Variants in TCF12 observed in about 807,000 individuals in gnomAD.
TCF12 encodes the protein transcription factor 12.
Under a neutral mutation model 86.0 loss-of-function variants are expected in TCF12, and 45 were observed. The ratio of observed to expected loss-of-function variants is 0.52; its 90% confidence interval spans 0.41 to 0.67. TCF12 has a LOEUF of 0.67. TCF12 is among the 30% of genes least tolerant of loss of function. TCF12 has a pLI of 0.00. For missense variants in TCF12, 881 were observed against 859.9 expected (o/e 1.02, Z -0.31); for synonymous variants, 330 against 299.6 (o/e 1.10, Z -1.05).
intron 6 of TCF12, among the ~76,000 whole-genome samples, chr15:57,186,790 G>A (rs1025227772): frequency 6.6e-6 from 1 of 152,132 alleles, no homozygotes; most frequent in African/African-American, 2.4e-5. Context: ...AGGAATGCAA[G>A]GATAGTTTAG....
chr15:57,087,187 A>G (rs117146669), intron 4 of TCF12, among the ~76,000 whole-genome samples: 6,112 of 151,726 alleles, frequency 0.04, 369 homozygotes, highest in Admixed American at 0.17. Flanking sequence ...CCAAAATGGG[A>G]GGTTCACTTG....
chr15:56,941,685 CTTT>C (rs111353408), intron 3 of TCF12, among the ~76,000 whole-genome samples: 2 of 143,358 alleles, frequency 1.4e-5, no homozygotes, highest in Admixed American at 7.0e-5. Flanking sequence ...TCTTCTTCTT[CTTT>C]TTTTTTTTTT....
chr15:57,018,698 C>CTTT (rs2065295003), intron 3 of TCF12, among the ~76,000 whole-genome samples: 1 of 152,058 alleles, frequency 6.6e-6, no homozygotes, highest in Admixed American at 6.6e-5. Context: ...GCCTTGGCCT[C>CTTT]CCAAAGGGCT....
At chr15:57,011,285 T>G (rs1158520163) in intron 3 of TCF12, among the ~76,000 whole-genome samples, 1 of 152,078 alleles carries the variant, frequency 6.6e-6, no homozygotes, top group Non-Finnish European at 1.5e-5. Context: ...TGGTGATAAG[T>G]AAGGTCTCAT....
chr15:57,254,857 C>CAAAAAAA (rs777934020), intron 16 of TCF12, among the ~76,000 whole-genome samples: 9 of 102,580 alleles, frequency 8.8e-5, no homozygotes, highest in Admixed American at 1.1e-4. Flanking sequence ...GACCCTGTCT[C>CAAAAAAA]AAAAAAAAAA....
chr15:57,064,475 T>C (rs980287548), intron 4 of TCF12, among the ~76,000 whole-genome samples: 1 of 152,106 alleles, frequency 6.6e-6, no homozygotes, highest in Admixed American at 6.6e-5. Flanking sequence ...TCCCAGACTT[T>C]CTCTAGTAAA....
intron 5 of TCF12, among the ~76,000 whole-genome samples, chr15:57,134,852 T>C (rs1311550597): frequency 6.6e-6 from 1 of 151,716 alleles, no homozygotes. Flanking sequence ...GGGAAAAAAA[T>C]CTAATTATAA....
intron 3 of TCF12, among the ~76,000 whole-genome samples, chr15:56,962,304 A>AT (rs1454207839): frequency 6.6e-6 from 1 of 152,176 alleles, no homozygotes; most frequent in African/African-American, 2.4e-5. Context: ...GATGGGTTTA[A>AT]TTGTTGTCAG....
At chr15:57,179,978 AATG>A (rs1395214911) in intron 6 of TCF12, among the ~76,000 whole-genome samples, 15 of 152,312 alleles carry the variant, frequency 9.8e-5, no homozygotes, top group East Asian at 1.9e-4. Flanking sequence ...TTGTTCTCAG[AATG>A]ATAACTGTAG....
chr15:57,244,257 T>A (rs1234499683), intron 13 of TCF12, among the ~76,000 whole-genome samples: 4 of 152,220 alleles, frequency 2.6e-5, no homozygotes, highest in Non-Finnish European at 4.4e-5. Context: ...ACTTCCTCCT[T>A]GTTCTCCACA....
At chr15:56,926,892 G>A (rs552749482) in intron 3 of TCF12, among the ~76,000 whole-genome samples, 1 of 152,306 alleles carries the variant, frequency 6.6e-6, no homozygotes, top group Non-Finnish European at 1.5e-5. Flanking sequence ...ATAGTGCCTA[G>A]CACATAGTTA....
At chr15:56,966,096 T>G (rs983921920) in intron 3 of TCF12, among the ~76,000 whole-genome samples, 36 of 152,206 alleles carry the variant, frequency 2.4e-4, no homozygotes, top group African/African-American at 8.2e-4. Context: ...GAATGTTTGA[T>G]TATATGCTAA....
At chr15:57,158,002 C>A (rs2054234035) in intron 5 of TCF12, among the ~76,000 whole-genome samples, 1 of 152,122 alleles carries the variant, frequency 6.6e-6, no homozygotes, top group African/African-American at 2.4e-5. Context: ...CTCTTCTGGC[C>A]ATTCTAATGA....
chr15:57,181,841 G>A (rs1004078604), intron 6 of TCF12, among the ~76,000 whole-genome samples: 3 of 152,100 alleles, frequency 2.0e-5, no homozygotes, highest in African/African-American at 7.2e-5. Flanking sequence ...CAGTCATCTA[G>A]GCTGCGTTAG....
chr15:56,968,525 T>C (rs1442054551), intron 3 of TCF12, among the ~76,000 whole-genome samples: 1 of 152,156 alleles, frequency 6.6e-6, no homozygotes, highest in Non-Finnish European at 1.5e-5. Context: ...CCTGGCCTCA[T>C]ATCACTTTTA....
chr15:57,263,507 T>G (rs1179719669), intron 18 of TCF12, among the ~76,000 whole-genome samples: 1 of 152,214 alleles, frequency 6.6e-6, no homozygotes, highest in Non-Finnish European at 1.5e-5. Context: ...AGGGACTATA[T>G]ATAAAATATA....
chr15:56,964,656 G>A (rs2061923865), intron 3 of TCF12, among the ~76,000 whole-genome samples: 1 of 152,114 alleles, frequency 6.6e-6, no homozygotes, highest in South Asian at 2.1e-4. Context: ...ATCATTTGGA[G>A]CTTAATAAGA....
At chr15:57,274,709 G>A (rs1261438075) in intron 19 of TCF12, among the ~76,000 whole-genome samples, 4 of 152,050 alleles carry the variant, frequency 2.6e-5, no homozygotes, top group Non-Finnish European at 5.9e-5. Context: ...CTTCTATCCT[G>A]ACTTCACCCA....
At chr15:57,236,219 C>G (rs1054692230) in intron 12 of TCF12, among the ~76,000 whole-genome samples, 2 of 152,138 alleles carry the variant, frequency 1.3e-5, no homozygotes, top group Non-Finnish European at 2.9e-5. Context: ...TCCCCACTTC[C>G]CAGCCGGACA....
Sources: gnomAD v4.1 joint callset for allele counts (sites outside exome capture counted in the v4.1 genomes callset) on GRCh38, gnomAD v4.1.1 for gene constraint, MANE v1.5 for transcripts, NCBI Gene and HGNC (gene_info 2026-07-23, HGNC 2026-07-21) for gene names.